Variants in SMG5 observed in about 807,000 individuals in gnomAD.
SMG5 encodes nonsense-mediated mRNA decay factor SMG5.
SMG5 carries 53 observed loss-of-function variants against 122.9 expected under a neutral mutation model. The ratio of observed to expected loss-of-function variants is 0.43; its 90% CI spans 0.35 to 0.54. The LOEUF is 0.54. Among genes scored for constraint, SMG5 ranks in the 20% least tolerant of loss-of-function variants. The probability of loss-of-function intolerance (pLI) is 0.01; values close to 1 mark genes in which losing one functional copy is unlikely to be tolerated. For synonymous variants in SMG5, 477 were observed against 490.2 expected (o/e 0.97, Z 0.35); for missense variants, 1,153 against 1,285.6 (o/e 0.90, Z 1.58).
intron 3 of SMG5, 141 bp from the exon 4 acceptor site, chr1:156,277,382 C>G (rs1350099248): frequency 1.3e-5 from 12 of 939,642 alleles, no homozygotes; most frequent in Non-Finnish European, 1.6e-5. Flanking sequence ...ATACTCTTAG[C>G]TCTAACTCTC....
At chr1:156,278,294 C>T (rs1284743611) in intron 2 of SMG5, among the ~76,000 whole-genome samples, 1 of 151,996 alleles carries the variant, frequency 6.6e-6, no homozygotes, top group Admixed American at 6.6e-5. Context: ...GTACACTTCG[C>T]TCTCTTTTTC....
rs1163150947 is a variant in SMG5, at chr1:156,282,661, G to A, written c.20C>T (p.Thr7Ile). The A allele has an allele frequency of 6.2e-7, 1 of 1,606,480 alleles. No individual in the cohort carries two copies. The highest frequency in any genetic ancestry group is 8.5e-7 in the Non-Finnish European group (1 of 1,179,410). MSQGPP[T>I]GESSEPEAKV... The stretch of plus-strand genomic sequence containing the variant: ...TGCTTCGGGCTCGCTGCTCTCCCCT[G>A]TGGGGGGGCCTTGGCTCATGGTGCC... Residue 7 changes from threonine to isoleucine, a missense_variant, in exon 1 of 22, where the codon ACA (threonine) becomes ATA (isoleucine). Coordinates refer to ENST00000361813, the MANE Select transcript of SMG5 (RefSeq NM_015327.3).
rs150084368 is a variant in SMG5 at position 156,270,575 on chromosome 1, T to C, written c.713+1745A>G. Among the ~76,000 whole-genome samples, 441 of 152,354 alleles carry C rather than the reference T, an allele frequency of 2.9e-3. 2 individuals carry two copies. Among genetic ancestry groups the C allele is most frequent in the African/African-American group, 9.9e-3 (412 of 41,588 alleles). ...AGAATTGTTTTAGCAGAGTCAGGTA[T>C]GCCCTTAGTGGGCACCTCCCAAACT... On this transcript the variant is annotated intron_variant, in intron 7 of 21. Transcript: ENST00000361813.
chr1:156,285,576 A>C, upstream of SMG5: 1 of 1,614,230 alleles, frequency 6.2e-7, no homozygotes, highest in South Asian at 1.1e-5. Flanking sequence ...CCCGAAGACG[A>C]TGCCAACCTG....
In SMG5 at chr1:156,279,037, G is replaced by A. The variant is rs185534968; in HGVS notation, c.75-3C>T. ...GATGCACAGCCTCCACCACAGCCCT[G>A]TAGGGAAATACAGGCAAATATCCCC... On this transcript the variant is annotated splice_region_variant and splice_polypyrimidine_tract_variant and intron_variant, in intron 1 of 21. Coordinates refer to ENST00000361813, the MANE Select transcript of SMG5 (RefSeq NM_015327.3). 2 of 1,613,548 alleles carry A rather than the reference G, an allele frequency of 1.2e-6. No homozygotes were observed. Among genetic ancestry groups the A allele is most frequent in the African/African-American group, 2.7e-5 (2 of 75,026 alleles).
At chr1:156,254,068 G>A (rs1384729374) in intron 16 of SMG5, among the ~76,000 whole-genome samples, 2 of 152,146 alleles carry the variant, frequency 1.3e-5, no homozygotes, top group African/African-American at 4.8e-5. Context: ...CTCAGGGTTG[G>A]CTTTGAATCT....
At chr1:156,253,570 G>C in intron 16 of SMG5, 62 bp from the exon 17 acceptor site, 3 of 1,521,956 alleles carry the variant, frequency 2.0e-6, no homozygotes, top group Non-Finnish European at 2.7e-6. Context: ...CAGTGATCAG[G>C]AAGACCAAGA....
At chr1:156,270,651 T>C (rs1466670865) in intron 7 of SMG5, among the ~76,000 whole-genome samples, 1 of 152,190 alleles carries the variant, frequency 6.6e-6, no homozygotes, top group East Asian at 1.9e-4. Flanking sequence ...ATCATGCTTA[T>C]GAGTATGATG....
In SMG5 at chr1:156,277,185, A is replaced by G. The variant is rs747264135; in HGVS notation, c.354T>C (p.Gly118=). Residue 118 remains glycine, a synonymous_variant, in exon 4 of 22, where the codon GGT becomes GGC. Transcript: ENST00000361813. The stretch of plus-strand genomic sequence containing the variant: ...GAAGGAGATGCTGGTAGAAGCCAAT[A>G]CCAGCAACCAGGTGCGTCCTGTAGG... The part of the protein sequence containing the change: ...ECAYRTHLVA[G]IGFYQHLLLY... 4 of 1,613,930 alleles carry G rather than the reference A, an allele frequency of 2.5e-6. No homozygotes were observed. Among genetic ancestry groups the G allele is most frequent in the Non-Finnish European group, 3.4e-6 (4 of 1,179,962 alleles).
intron 18 of SMG5, 51 bp downstream of exon 18, chr1:156,252,868 C>T (rs1265663200): frequency 6.8e-7 from 1 of 1,468,976 alleles, no homozygotes; most frequent in Non-Finnish European, 9.0e-7. Flanking sequence ...ATCCCAAGCC[C>T]AGAATCTCTT....
At chr1:156,281,792 C>T (rs185793962) in intron 1 of SMG5, among the ~76,000 whole-genome samples, 1 of 152,350 alleles carries the variant, frequency 6.6e-6, no homozygotes, top group East Asian at 1.9e-4. Context: ...AGTTGACCTA[C>T]CCAACAAATT....
chr1:156,267,515 T>C lies in SMG5; in HGVS notation c.1072A>G (p.Met358Val), dbSNP rs571418441. ...AFLPDLLIFQ[M>V]VIICLMCVHS... ...ACACACATAAGGCAGATGATGACCA[T>C]TTGAAAGATGAGAAGGTCCGGGAGG... is the stretch of plus-strand genomic sequence containing the variant. Residue 358 changes from methionine to valine, a missense_variant, in exon 10 of 22, where the codon ATG (methionine) becomes GTG (valine). Coordinates refer to ENST00000361813, the MANE Select transcript of SMG5 (RefSeq NM_015327.3). The C allele has an allele frequency of 3.5e-5, 56 of 1,614,090 alleles. No individual in the cohort carries two copies. In the Admixed American group the frequency reaches 5.8e-4, roughly 17 times the overall value.
At chr1:156,272,623 A>C (rs1488382539) in intron 6 of SMG5, among the ~76,000 whole-genome samples, 4 of 151,196 alleles carry the variant, frequency 2.6e-5, no homozygotes, top group Non-Finnish European at 5.9e-5. Context: ...CCCAGGCTGG[A>C]GTGCAGTGGT....
chr1:156,272,847 G>A (rs1199901086), intron 6 of SMG5, among the ~76,000 whole-genome samples: 1 of 151,930 alleles, frequency 6.6e-6, no homozygotes, highest in Non-Finnish European at 1.5e-5. Flanking sequence ...TACAAACGTT[G>A]AGCCACCGCG....
chr1:156,249,987 C>T lies in SMG5; in HGVS notation c.*600G>A, dbSNP rs985470996. On this transcript the variant is annotated 3_prime_UTR_variant, in exon 22 of 22. Transcript: ENST00000361813. ...AGGAGGAGGAGCACACGAACCCTGA[C>T]CCTGCTACTCGGTGCAGGCCACTCC... 6.4e-6 allele frequency: 3 copies of T among 467,936 alleles called. No homozygotes were observed. The highest frequency in any genetic ancestry group is 6.0e-5 in the African/African-American group (3 of 50,064). The allele number at this position is 467,936 out of a possible 1,614,324, so 29.0% of individuals were successfully genotyped here. A position where few individuals can be genotyped will look rare whatever the true frequency, so the allele number is the denominator to read the frequency against.
At position 156,254,084 on chromosome 1, in the gene SMG5, T is replaced by C. The variant is rs554539527; in HGVS notation, c.2443-576A>G. On this transcript the variant is annotated intron_variant, in intron 16 of 21. Transcript: ENST00000361813. ...TCAGGGTTGGCTTTGAATCTTCCCT[T>C]TCTCTCAGCCCCAGAAGTTATCAGG... Among the ~76,000 whole-genome samples, 14 of 152,016 alleles carry C rather than the reference T, an allele frequency of 9.2e-5. No individual in the cohort carries two copies. The South Asian group carries it at 2.7e-3, about 29-fold the overall frequency.
In SMG5 at chr1:156,265,998, T is replaced by A. The variant is rs1662110981; in HGVS notation, c.1638A>T (p.Ser546=). ...GGCCATTGAGGGAATCGGGAGCCTC[T>A]GATCTGCCCCGAGGGGGCTCCAGGG... The part of the protein sequence containing the change: ...SPTLEPPRGR[S]EAPDSLNGPL... The change falls in exon 12 of 22, where the codon TCA becomes TCT. Residue 546 remains serine (S), a synonymous_variant. Coordinates refer to ENST00000361813, the MANE Select transcript of SMG5 (RefSeq NM_015327.3). The A allele has an allele frequency of 5.6e-6, 9 of 1,614,234 alleles. No individual in the cohort carries two copies. The highest frequency in any genetic ancestry group is 7.6e-6 in the Non-Finnish European group (9 of 1,180,036).
chr1:156,266,565 G>A lies in SMG5; in HGVS notation c.1231C>T (p.Pro411Ser), dbSNP rs1176352310. The change falls in exon 11 of 22, where the codon CCG becomes TCG. Residue 411 changes from proline to serine, a missense_variant. Physicochemically the swap from Pro to Ser is moderately conservative, Grantham distance 74. Around this residue, in one of 5 missense-constraint regions of SMG5, gnomAD observed 631 missense variants for 650.6 expected, o/e 0.97. Coordinates refer to ENST00000361813, the MANE Select transcript of SMG5 (RefSeq NM_015327.3). Reference sequence around the variant, plus strand: ...CCTGTGCCATCACTCTGGAATGCCGGGACGGGATTCTCGCCCTCTTCCAGC... The same window carrying A: ...CCTGTGCCATCACTCTGGAATGCCGAGACGGGATTCTCGCCCTCTTCCAGC... Reference protein sequence around the residue: ...AELEEGENPVPAFQSDGTDEP... With the variant: ...AELEEGENPVSAFQSDGTDEP... 3.7e-6 allele frequency: 6 copies of A among 1,614,164 alleles called. No homozygotes were observed. Among genetic ancestry groups the A allele is most frequent in the Non-Finnish European group, 5.1e-6 (6 of 1,180,038 alleles).
At chr1:156,253,213 C>T in intron 17 of SMG5, 135 bp from the exon 18 acceptor site, 1 of 1,085,004 alleles carries the variant, frequency 9.2e-7, no homozygotes, top group African/African-American at 1.6e-5. Context: ...CTACCAATGG[C>T]TTTGGGGGAA....
Sources: allele counts gnomAD v4.1 joint callset (sites outside exome capture counted in the v4.1 genomes callset), GRCh38; gene constraint gnomAD v4.1.1; regional missense constraint gnomAD v4.1.1; transcripts MANE v1.5; gene names NCBI Gene and HGNC (gene_info 2026-07-23, HGNC 2026-07-21).